ACSF3: variants seen among roughly 807,000 people sequenced by gnomAD.
ACSF3 encodes the protein malonate--CoA ligase ACSF3, mitochondrial.
In ACSF3, 78 loss-of-function variants were observed where a neutral mutation model predicts 53.2. The ratio of observed to expected loss-of-function variants is 1.47; its 90% CI spans 1.22 to 1.77. The LOEUF is 1.77. Among genes scored for constraint, ACSF3 ranks in the 40% most tolerant of loss-of-function variants. The pLI is 0.00. For synonymous variants in ACSF3, 414 were observed against 333.1 expected (o/e 1.24, Z -2.65); for missense variants, 937 against 771.1 (o/e 1.22, Z -2.55).
chr16:89,117,772 C>A (rs1905436109), intron 6 of ACSF3, among the ~76,000 whole-genome samples: 1 of 152,168 alleles, frequency 6.6e-6, no homozygotes, highest in Non-Finnish European at 1.5e-5. Context: ...CAGGAAGGAG[C>A]CCCAGACAGA....
intron 8 of ACSF3, chr16:89,136,652 C>A (rs1220611920): frequency 7.8e-7 from 1 of 1,287,148 alleles, no homozygotes; most frequent in African/African-American, 1.5e-5. Context: ...TGCAGCTCCC[C>A]AACGGCCTCC....
rs776369896 is a variant in ACSF3, at chr16:89,145,344, T to C, written c.1444T>C (p.Tyr482His). The change falls in exon 9 of 11, where the codon TAC becomes CAC. Residue 482 changes from tyrosine to histidine, a missense_variant. Transcript: ENST00000614302. ...AGTGGACATCATCAAGACTGGAGGCTACAAGGTCAGCGCCCTGGAGGTGGA... is the reference window on the plus strand; with the variant it reads ...AGTGGACATCATCAAGACTGGAGGCCACAAGGTCAGCGCCCTGGAGGTGGA... ...TSVDIIKTGG[Y>H]KVSALEVEWH... 4 of 1,614,088 alleles carry C rather than the reference T, an allele frequency of 2.5e-6. No homozygotes were observed. Among genetic ancestry groups the C allele is most frequent in the Non-Finnish European group, 3.4e-6 (4 of 1,180,032 alleles).
chr16:89,100,710 G>A lies in ACSF3; in HGVS notation c.29G>A (p.Arg10Gln), dbSNP rs751551226. The A allele has an allele frequency of 2.0e-5, 32 of 1,596,558 alleles. No homozygotes were observed. In the Middle Eastern group the frequency reaches 2.5e-3, roughly 124 times the overall value. The change falls in exon 3 of 11, where the codon CGG (arginine) becomes CAG (glutamine). Residue 10 changes from arginine (R) to glutamine (Q), a missense_variant. By Grantham distance (43) the Arg-to-Gln change is conservative. Coordinates refer to ENST00000614302, the MANE Select transcript of ACSF3 (RefSeq NM_001243279.3). The stretch of plus-strand genomic sequence containing the variant: ...CTGCCCCATGTGGTGCTCACCTTCC[G>A]GCGCCTGGGCTGCGCCTTGGCGTCC... MLPHVVLTFRRLGCALASCR... is the reference protein window; with the variant it reads MLPHVVLTFQRLGCALASCR...
Position 89,133,260 on chromosome 16 carries a change from C to T in ACSF3, c.1364C>T (p.Thr455Ile). ...TTCACCCTGGATGGCTGGTTTAAGACAGGTAGGACCCAGCCCCATGGGAGT... is the reference window on the plus strand; with the variant it reads ...TTCACCCTGGATGGCTGGTTTAAGATAGGTAGGACCCAGCCCCATGGGAGT... ...SAFTLDGWFK[T>I]GDTVVFKDGQ... The change falls in exon 8 of 11, where the codon ACA becomes ATA. Residue 455 changes from threonine to isoleucine, a missense_variant and splice_region_variant. Physicochemically the swap from Thr to Ile is moderately conservative, Grantham distance 89. Coordinates refer to ENST00000614302, the MANE Select transcript of ACSF3 (RefSeq NM_001243279.3). The T allele has an allele frequency of 6.2e-7, 1 of 1,614,030 alleles. No individual in the cohort carries two copies. Among genetic ancestry groups the T allele is most frequent in the Non-Finnish European group, 8.5e-7 (1 of 1,179,918 alleles).
At chr16:89,147,756 C>G (rs111373667) in intron 10 of ACSF3, 6,817 of 152,246 alleles carry the variant, frequency 0.045, 254 homozygotes, top group East Asian at 0.15. Context: ...GACACAGATC[C>G]AAACCATATC....
intron 8 of ACSF3, among the ~76,000 whole-genome samples, chr16:89,144,103 G>A (rs997388474): frequency 2.0e-5 from 3 of 152,202 alleles, no homozygotes; most frequent in Admixed American, 6.5e-5. Flanking sequence ...CTGCACACAC[G>A]CTCGCAGGCA....
At chr16:89,125,589 G>A (rs1379268509) in intron 7 of ACSF3, among the ~76,000 whole-genome samples, 2 of 151,940 alleles carry the variant, frequency 1.3e-5, no homozygotes, top group African/African-American at 4.8e-5. Context: ...TACTCGGGAG[G>A]CTGAGTCACA....
At chr16:89,100,362 T>G (rs1975127602) in intron 2 of ACSF3, among the ~76,000 whole-genome samples, 1 of 152,268 alleles carries the variant, frequency 6.6e-6, no homozygotes, top group Non-Finnish European at 1.5e-5. Context: ...TTAAGTGTGT[T>G]GAATTTTATA....
At chr16:89,134,073 C>G (rs990916117) in intron 8 of ACSF3, among the ~76,000 whole-genome samples, 1 of 152,170 alleles carries the variant, frequency 6.6e-6, no homozygotes, top group African/African-American at 2.4e-5. Flanking sequence ...GGATAGTGGA[C>G]GTATATGGAT....
intron 7 of ACSF3, among the ~76,000 whole-genome samples, chr16:89,124,328 G>A (rs1426996609): frequency 2.0e-5 from 3 of 152,048 alleles, no homozygotes; most frequent in South Asian, 2.1e-4. Context: ...TGTGAGACCC[G>A]TTTGCACACT....
rs148475421 is a variant in ACSF3 at position 89,140,300 on chromosome 16, T to G, written c.1367-4967T>G. Among the ~76,000 whole-genome samples the G allele has an allele frequency of 1.5e-4, 23 of 152,274 alleles. No homozygotes were observed. The South Asian group carries it at 4.1e-3, about 27-fold the overall frequency. On this transcript the variant is annotated intron_variant, in intron 8 of 10. Coordinates refer to ENST00000614302, the MANE Select transcript of ACSF3 (RefSeq NM_001243279.3). ...GCCCCGGGGTAACTGGTGGAGGCTTTCACGTAACTTGGTTTCCAGCTGCCT... is the reference window on the plus strand; with the variant it reads ...GCCCCGGGGTAACTGGTGGAGGCTTGCACGTAACTTGGTTTCCAGCTGCCT...
chr16:89,107,432 G>A (rs1351236371), intron 4 of ACSF3, among the ~76,000 whole-genome samples: 6 of 151,222 alleles, frequency 4.0e-5, no homozygotes, highest in Non-Finnish European at 5.9e-5. Flanking sequence ...TGCTACACGC[G>A]TGCTCTCCCC....
intron 4 of ACSF3, among the ~76,000 whole-genome samples, chr16:89,104,892 A>G (rs1399379503): frequency 6.6e-6 from 1 of 152,266 alleles, no homozygotes; most frequent in Non-Finnish European, 1.5e-5. Context: ...TTCACAGATG[A>G]TAACATTGGG....
At chr16:89,144,249 A>G (rs1269259993) in intron 8 of ACSF3, among the ~76,000 whole-genome samples, 1 of 152,260 alleles carries the variant, frequency 6.6e-6, no homozygotes, top group Non-Finnish European at 1.5e-5. Flanking sequence ...GAAAGGAAGA[A>G]AACGAAGGAA....
rs1273734576 is a variant in ACSF3 at position 89,093,935 on chromosome 16, C to T, written c.-255C>T. The T allele has an allele frequency of 1.2e-5, 4 of 326,840 alleles. No homozygotes were observed. The highest frequency in any genetic ancestry group is 4.5e-5 in the African/African-American group (2 of 44,780). The allele number at this position is 326,840 out of a possible 1,614,324, so 20.2% of individuals were successfully genotyped here. On this transcript the variant is annotated 5_prime_UTR_variant, in exon 1 of 11. Coordinates refer to ENST00000614302, the MANE Select transcript of ACSF3 (RefSeq NM_001243279.3). Reference sequence around the variant, plus strand: ...CGGCCCGACCCCGGCGCGCGCGCGGCGGAGGACGAGGAAGAGTTGTGGCGA... The same window carrying T: ...CGGCCCGACCCCGGCGCGCGCGCGGTGGAGGACGAGGAAGAGTTGTGGCGA...
In ACSF3 at chr16:89,154,413, C is replaced by G; in HGVS notation, c.*206C>G. On this transcript the variant is annotated 3_prime_UTR_variant, in exon 11 of 11. Coordinates refer to ENST00000614302, the MANE Select transcript of ACSF3 (RefSeq NM_001243279.3). ...TTGTTGCAGCTCAAGGAGACCGTCC[C>G]TGGTGTCACCTCTGCCTGGTCACCG... 1 of 677,478 alleles carries G rather than the reference C, an allele frequency of 1.5e-6. No homozygotes were observed. The highest frequency in any genetic ancestry group is 2.0e-5 in the Admixed American group (1 of 48,998). 42.0% of individuals were successfully genotyped at this position (677,478 alleles called of 1,614,324 possible).
intron 4 of ACSF3, among the ~76,000 whole-genome samples, chr16:89,103,853 G>A (rs544050617): frequency 3.3e-5 from 5 of 152,340 alleles, no homozygotes; most frequent in East Asian, 3.9e-4. Context: ...CACACAGAGC[G>A]CTGGGGTGGG....
chr16:89,125,977 C>T (rs28447227), intron 7 of ACSF3, among the ~76,000 whole-genome samples: 87 of 9,540 alleles, frequency 9.1e-3, no homozygotes, highest in African/African-American at 0.032. Context: ...CTTAGATCCG[C>T]AAACACGGTA....
chr16:89,102,207 T>C (rs1975428277), intron 3 of ACSF3: 1 of 337,224 alleles, frequency 3.0e-6, no homozygotes, highest in African/African-American at 2.1e-5. Context: ...GGCAGAGCTC[T>C]GTGTGGGCAG....
Sources: gnomAD v4.1 joint callset for allele counts (sites outside exome capture counted in the v4.1 genomes callset) on GRCh38, gnomAD v4.1.1 for gene constraint, MANE v1.5 for transcripts, NCBI Gene and HGNC (gene_info 2026-07-23, HGNC 2026-07-21) for gene names.